Variants in RYR2 observed in about 807,000 individuals in gnomAD.
The protein encoded by RYR2 is ryanodine receptor 2, also known as cardiac muscle ryanodine receptor-calcium release channel.
In RYR2, 227 loss-of-function variants were observed where a neutral mutation model predicts 601.1. That is an observed-to-expected ratio of 0.38 (90% CI 0.34 to 0.42). RYR2 has a LOEUF of 0.42. Ranked by LOEUF, RYR2 falls within the 10% of genes least tolerant of loss-of-function variation. The pLI is 1.00. For synonymous variants in RYR2, 2,223 were observed against 2,175.1 expected (o/e 1.02, Z -0.61); for missense variants, 4,646 against 6,156.5 (o/e 0.75, Z 8.21).
At chr1:237,225,392 G>T (rs1329250633) in intron 1 of RYR2, among the ~76,000 whole-genome samples, 1 of 152,112 alleles carries the variant, frequency 6.6e-6, no homozygotes, top group Non-Finnish European at 1.5e-5. Flanking sequence ...CATGGCAGAG[G>T]GCGAAAGGCA....
intron 24 of RYR2, among the ~76,000 whole-genome samples, chr1:237,518,583 C>T (rs1666790586): frequency 6.6e-6 from 1 of 152,168 alleles, no homozygotes; most frequent in African/African-American, 2.4e-5. Context: ...CTACAAAATA[C>T]ATGATTTCAT....
At chr1:237,802,560 T>C (rs1413132770) in intron 98 of RYR2, among the ~76,000 whole-genome samples, 2 of 152,202 alleles carry the variant, frequency 1.3e-5, no homozygotes, top group Non-Finnish European at 1.5e-5. Flanking sequence ...CCCAGAACTC[T>C]GGGTGTCTTA....
intron 10 of RYR2, among the ~76,000 whole-genome samples, chr1:237,397,549 A>G (rs1184715618): frequency 6.6e-6 from 1 of 152,158 alleles, no homozygotes; most frequent in Non-Finnish European, 1.5e-5. Context: ...GGGTTCAAAG[A>G]TTATTTAATC....
intron 1 of RYR2, among the ~76,000 whole-genome samples, chr1:237,264,508 G>A (rs1229273035): frequency 6.6e-6 from 1 of 152,044 alleles, no homozygotes; most frequent in Non-Finnish European, 1.5e-5. Context: ...TGTCCAAAGT[G>A]GGCAATTCAA....
chr1:237,372,573 A>G (rs1700724354), intron 6 of RYR2, among the ~76,000 whole-genome samples: 1 of 152,262 alleles, frequency 6.6e-6, no homozygotes, highest in Non-Finnish European at 1.5e-5. Context: ...AAAAATATGT[A>G]AAAACAATTT....
chr1:237,339,467 A>G (rs1425207513), intron 3 of RYR2, among the ~76,000 whole-genome samples: 1 of 152,188 alleles, frequency 6.6e-6, no homozygotes, highest in East Asian at 1.9e-4. Flanking sequence ...ATAAAATAAA[A>G]ATGCCCTCTT....
intron 8 of RYR2, among the ~76,000 whole-genome samples, chr1:237,381,825 T>A (rs1274975377): frequency 6.6e-6 from 1 of 152,216 alleles, no homozygotes; most frequent in Non-Finnish European, 1.5e-5. Flanking sequence ...CTCACCCAGA[T>A]AATGTCTTTT....
intron 8 of RYR2, among the ~76,000 whole-genome samples, chr1:237,383,522 C>A (rs1347487676): frequency 6.8e-6 from 1 of 146,610 alleles, no homozygotes; most frequent in South Asian, 2.2e-4. Flanking sequence ...CTCCACCTCC[C>A]GGGTTCACGC....
At chr1:237,211,013 G>C (rs1682512781) in intron 1 of RYR2, among the ~76,000 whole-genome samples, 1 of 125,998 alleles carries the variant, frequency 7.9e-6, no homozygotes, top group African/African-American at 2.5e-5. Flanking sequence ...ATTTGTCAGG[G>C]ACGATGTTTG....
chr1:237,377,806 C>T (rs1701165006), intron 8 of RYR2, among the ~76,000 whole-genome samples: 1 of 152,098 alleles, frequency 6.6e-6, no homozygotes. Context: ...TTGTGATTAC[C>T]TATTCTGATA....
chr1:237,830,396 G>A (rs897996145), intron 102 of RYR2, 134 bp from the exon 103 acceptor site: 7 of 627,656 alleles, frequency 1.1e-5, no homozygotes, highest in African/African-American at 1.1e-4. Context: ...TCGTGGGCTT[G>A]GCACAGCCTC....
At chr1:237,089,731 C>T (rs1023670081) in intron 1 of RYR2, among the ~76,000 whole-genome samples, 1 of 152,152 alleles carries the variant, frequency 6.6e-6, no homozygotes, top group African/African-American at 2.4e-5. Context: ...GTGTATCCCA[C>T]GTGATGCTGA....
chr1:237,716,871 A>G (rs1689306705), intron 71 of RYR2, among the ~76,000 whole-genome samples: 1 of 152,180 alleles, frequency 6.6e-6, no homozygotes, highest in South Asian at 2.1e-4. Context: ...ATTGAAAATT[A>G]GAAAGCACAC....
rs10567644 is a variant in RYR2 at position 237,383,417 on chromosome 1, G to GTTTTTTTTTTTTTTTTTTTTTT, written c.577-3855_577-3834dup. On this transcript the variant is annotated intron_variant, in intron 8 of 104. Coordinates refer to ENST00000366574, the MANE Select transcript of RYR2 (RefSeq NM_001035.3). The stretch of plus-strand genomic sequence containing the variant: ...TTTACATTTTCTTTTCTTTTTTCTT[G>GTTTTTTTTTTTTTTTTTTTTTT]TTTTTTTTTTTTTTTTTTTTTTTTT... Among the ~76,000 whole-genome samples the GTTTTTTTTTTTTTTTTTTTTTT allele has an allele frequency of 7.9e-5, 4 of 50,560 alleles. 1 individual carries two copies. The highest frequency in any genetic ancestry group is 1.5e-4 in the African/African-American group (2 of 13,558). The allele number at this position is 50,560 out of a possible 152,430, so 33.2% of individuals were successfully genotyped here. A position where few individuals can be genotyped will look rare whatever the true frequency, so the allele number is the denominator to read the frequency against.
In RYR2 at chr1:237,270,551, C is replaced by T; in HGVS notation, c.103C>T (p.Leu35=). Residue 35 remains leucine (L), a synonymous_variant, in exon 2 of 105, where the codon CTA becomes TTA. Transcript: ENST00000366574. ...TATIHKEQQK[L]CLAAEGFGNR... is the part of the protein sequence containing the mutation. The stretch of plus-strand genomic sequence containing the variant: ...AACCATCCACAAAGAACAACAGAAG[C>T]TATGCTTGGCAGCAGAAGGATTTGG... 3 of 1,598,878 alleles carry T rather than the reference C, an allele frequency of 1.9e-6. No homozygotes were observed. Among genetic ancestry groups the T allele is most frequent in the Non-Finnish European group, 2.6e-6 (3 of 1,172,420 alleles).
At chr1:237,105,949 C>T (rs1233499542) in intron 1 of RYR2, among the ~76,000 whole-genome samples, 1 of 151,878 alleles carries the variant, frequency 6.6e-6, no homozygotes, top group African/African-American at 2.4e-5. Context: ...AGTTCATGGG[C>T]TTCCAGGCAG....
chr1:237,089,120 C>A (rs1017208130), intron 1 of RYR2, among the ~76,000 whole-genome samples: 3 of 152,194 alleles, frequency 2.0e-5, no homozygotes, highest in Non-Finnish European at 4.4e-5. Flanking sequence ...AAACCTCAGA[C>A]CTCTCAGGAA....
intron 4 of RYR2, among the ~76,000 whole-genome samples, chr1:237,356,466 GT>G (rs964531582): frequency 6.7e-6 from 1 of 149,856 alleles, no homozygotes; most frequent in Non-Finnish European, 1.5e-5. Context: ...GTCTCACTAT[GT>G]TGCCCAGGCT....
chr1:237,718,328 A>G, intron 72 of RYR2, 134 bp from the exon 73 acceptor site: 1 of 496,748 alleles, frequency 2.0e-6, no homozygotes. Context: ...AATGCCCCAA[A>G]TTTGTAGCAT....
Sources: allele counts gnomAD v4.1 joint callset (sites outside exome capture counted in the v4.1 genomes callset), GRCh38; gene constraint gnomAD v4.1.1; transcripts MANE v1.5; gene names NCBI Gene and HGNC (gene_info 2026-07-23, HGNC 2026-07-21).